The following CLEC1A variants were observed in gnomAD, a reference collection of about 807,000 sequenced individuals.
CLEC1A encodes C-type lectin-like receptor-1.
CLEC1A carries 34 observed loss-of-function variants against 28.7 expected under a neutral mutation model. The ratio of observed to expected loss-of-function variants is 1.18; its 90% CI spans 0.90 to 1.57. The LOEUF is 1.57. Ranked by LOEUF, CLEC1A falls within the 40% of genes most tolerant of loss-of-function variation. The pLI is 0.00. For synonymous variants in CLEC1A, 116 were observed against 121.0 expected, an observed-to-expected ratio of 0.96 and a Z score of 0.27; for missense variants, 385 against 339.5, an observed-to-expected ratio of 1.13 and a Z score of -1.05.
intron 1 of CLEC1A, among the ~76,000 whole-genome samples, chr12:10,097,514 CA>C (rs747638824): frequency 2.0e-5 from 3 of 152,172 alleles, no homozygotes; most frequent in Non-Finnish European, 4.4e-5. Context: ...TCTTCCAAGA[CA>C]ATTCTTTGTA....
chr12:10,081,351 A>C lies in CLEC1A; in HGVS notation c.277T>G (p.Leu93Val). Residue 93 changes from leucine to valine, a missense_variant, in exon 3 of 6, where the codon TTA becomes GTA. By Grantham distance (32) the Leu-to-Val change is conservative. Coordinates refer to ENST00000315330, the MANE Select transcript of CLEC1A (RefSeq NM_016511.4). ...TGCAACTCTTGGGACGTATTTCCTAATCTTTCTTCCATTTGAGAAATGGTG... is the reference window on the plus strand; with the variant it reads ...TGCAACTCTTGGGACGTATTTCCTACTCTTTCTTCCATTTGAGAAATGGTG... ...QDTISQMEER[L>V]GNTSQELQSL... The C allele has an allele frequency of 1.9e-6, 3 of 1,613,342 alleles. No homozygotes were observed. Among genetic ancestry groups the C allele is most frequent in the Non-Finnish European group, 2.5e-6 (3 of 1,179,710 alleles).
At position 10,069,868 on chromosome 12, in the gene CLEC1A, A is replaced by G. The variant is rs2137321049; in HGVS notation, c.*1465T>C. ...ACAATCTAACAAAATGAAGTTTATG[A>G]AAATGAGCACCAATGTGTTCTTTCT... On this transcript the variant is annotated 3_prime_UTR_variant, in exon 6 of 6. Coordinates refer to ENST00000315330, the MANE Select transcript of CLEC1A (RefSeq NM_016511.4). 1 of 152,360 alleles carries G rather than the reference A, an allele frequency of 6.6e-6. No individual in the cohort carries two copies. Among genetic ancestry groups the G allele is most frequent in the South Asian group, 2.1e-4 (1 of 4,828 alleles). 9.4% of individuals were successfully genotyped at this position (152,360 alleles called of 1,614,324 possible). A position where few individuals can be genotyped will look rare whatever the true frequency, so the allele number is the denominator to read the frequency against.
chr12:10,089,332 G>C (rs750937055), intron 1 of CLEC1A, 110 bp from the exon 2 acceptor site: 5 of 828,046 alleles, frequency 6.0e-6, no homozygotes, highest in Non-Finnish European at 3.9e-6. Context: ...AATTAGGCTG[G>C]ACAACGGTAA....
intron 1 of CLEC1A, among the ~76,000 whole-genome samples, chr12:10,091,957 T>C (rs1947712737): frequency 6.6e-6 from 1 of 152,140 alleles, no homozygotes; most frequent in African/African-American, 2.4e-5. Context: ...TGCAACCCAA[T>C]TCCTAGGGCA....
At chr12:10,094,420 C>T (rs970339235) in intron 1 of CLEC1A, among the ~76,000 whole-genome samples, 13 of 151,878 alleles carry the variant, frequency 8.6e-5, no homozygotes, top group Non-Finnish European at 1.0e-4. Flanking sequence ...GATTGTGTTT[C>T]TCCATGTCTT....
At chr12:10,081,086 C>T in intron 3 of CLEC1A, 151 bp downstream of exon 3, 2 of 594,166 alleles carry the variant, frequency 3.4e-6, no homozygotes, top group Non-Finnish European at 5.8e-6. Flanking sequence ...ATCACATGAT[C>T]CCAACAACTG....
chr12:10,074,985 A>C (rs1299474007), intron 4 of CLEC1A, among the ~76,000 whole-genome samples: 1 of 152,230 alleles, frequency 6.6e-6, no homozygotes, highest in Non-Finnish European at 1.5e-5. Context: ...GATGTACTTT[A>C]ATTGCGTGTA....
At position 10,076,477 on chromosome 12, in the gene CLEC1A, TATAA is replaced by T. The variant is rs551568770; in HGVS notation, c.392-826_392-823del. 5.9e-5 allele frequency among the ~76,000 whole-genome samples: 9 copies of T among 152,158 alleles called. 1 individual carries two copies. In the South Asian group the frequency reaches 8.3e-4, roughly 14 times the overall value. On this transcript the variant is annotated intron_variant, in intron 3 of 5. Coordinates refer to ENST00000315330, the MANE Select transcript of CLEC1A (RefSeq NM_016511.4). ...AAATATTTCATGAAGTAAAACAAAATATAAATAAATAAATAAATAACTTAGAAGG... is the reference window on the plus strand; with the variant it reads ...AAATATTTCATGAAGTAAAACAAAATATAAATAAATAAATAACTTAGAAGG...
At position 10,081,240 on chromosome 12, in the gene CLEC1A, C is replaced by A; in HGVS notation, c.388G>T (p.Gly130Ter). The change falls in exon 3 of 6, where the codon GGA (glycine) becomes TGA (stop). Residue 130 changes from glycine to a stop codon, truncating the protein, a stop_gained. Transcript: ENST00000315330. LOFTEE classifies it high-confidence loss of function. Reference protein sequence around the residue: ...KLCRELYNKAGAHRCSPCTEQ... With the variant: ...KLCRELYNKA ...AGAGTGACCAGGACACACTTACCTC[C>A]AGCTTTGTTATACAGCTCACGACAG... The A allele has an allele frequency of 6.3e-7, 1 of 1,577,366 alleles. No individual in the cohort carries two copies. The highest frequency in any genetic ancestry group is 1.2e-5 in the South Asian group (1 of 85,156).
At position 10,071,210 on chromosome 12, in the gene CLEC1A, A is replaced by G; in HGVS notation, c.*123T>C. On this transcript the variant is annotated 3_prime_UTR_variant, in exon 6 of 6. Coordinates refer to ENST00000315330, the MANE Select transcript of CLEC1A (RefSeq NM_016511.4). ...GTGATCCTGAACAGGAAACACGAGA[A>G]CCCATTTTGTACTAGTCAGAGAGAT... The G allele has an allele frequency of 1.2e-6, 1 of 856,658 alleles. No individual in the cohort carries two copies. Among genetic ancestry groups the G allele is most frequent in the Non-Finnish European group, 1.8e-6 (1 of 565,430 alleles). 53.1% of individuals were successfully genotyped at this position (856,658 alleles called of 1,614,324 possible).
intron 3 of CLEC1A, among the ~76,000 whole-genome samples, chr12:10,078,936 A>C (rs1866309547): frequency 6.6e-6 from 1 of 152,122 alleles, no homozygotes; most frequent in Non-Finnish European, 1.5e-5. Flanking sequence ...TACCTGCTGC[A>C]CTTTCCCCCA....
intron 1 of CLEC1A, among the ~76,000 whole-genome samples, chr12:10,089,671 C>T (rs1866572776): frequency 6.6e-6 from 1 of 151,946 alleles, no homozygotes; most frequent in South Asian, 2.1e-4. Flanking sequence ...TGAAAAACAT[C>T]CCCCTTCCCC....
At chr12:10,085,431 TTAAGG>T (rs1866469914) in intron 2 of CLEC1A, among the ~76,000 whole-genome samples, 1 of 149,994 alleles carries the variant, frequency 6.7e-6, no homozygotes, top group Non-Finnish European at 1.5e-5. Context: ...TCACATAAAC[TTAAGG>T]TAAAGAGGTG....
rs1866096499 is a variant in CLEC1A at position 10,070,203 on chromosome 12, T to A, written c.*1130A>T. The A allele has an allele frequency of 6.6e-6, 1 of 152,226 alleles. No homozygotes were observed. The highest frequency in any genetic ancestry group is 2.4e-5 in the African/African-American group (1 of 41,468). The allele number at this position is 152,226 out of a possible 1,614,324, so 9.4% of individuals were successfully genotyped here. ...TGACCTGACTGGAAATCATGTGCACTAATGCAACTCAGCTTCCTCATCAAC... is the reference window on the plus strand; with the variant it reads ...TGACCTGACTGGAAATCATGTGCACAAATGCAACTCAGCTTCCTCATCAAC... On this transcript the variant is annotated 3_prime_UTR_variant, in exon 6 of 6. Coordinates refer to ENST00000315330, the MANE Select transcript of CLEC1A (RefSeq NM_016511.4).
chr12:10,072,654 C>G (rs1220722872), intron 5 of CLEC1A, among the ~76,000 whole-genome samples: 2 of 151,926 alleles, frequency 1.3e-5, no homozygotes, highest in African/African-American at 4.8e-5. Flanking sequence ...CTCTCTCTCT[C>G]TCTCTCTGTC....
rs368197625 is a variant in CLEC1A, at chr12:10,071,244, C to T, written c.*89G>A. On this transcript the variant is annotated 3_prime_UTR_variant, in exon 6 of 6. Coordinates refer to ENST00000315330, the MANE Select transcript of CLEC1A (RefSeq NM_016511.4). ...GTACTAGTCAGAGAGATAGTCTTTC[C>T]TGATTATGTTCCATTTCCCAATGTC... 1.6e-6 allele frequency: 2 copies of T among 1,239,914 alleles called. No homozygotes were observed. The highest frequency in any genetic ancestry group is 2.3e-6 in the Non-Finnish European group (2 of 882,096). The allele number at this position is 1,239,914 out of a possible 1,614,324, so 76.8% of individuals were successfully genotyped here. A position where few individuals can be genotyped will look rare whatever the true frequency, so the allele number is the denominator to read the frequency against.
intron 3 of CLEC1A, among the ~76,000 whole-genome samples, chr12:10,079,531 A>T (rs1002722642): frequency 1.1e-4 from 15 of 139,362 alleles, no homozygotes; most frequent in South Asian, 8.8e-4. Flanking sequence ...TTAAAAAAAA[A>T]TTTTTTTTAG....
chr12:10,095,321 T>A (rs1348107413), intron 1 of CLEC1A, among the ~76,000 whole-genome samples: 1 of 150,646 alleles, frequency 6.6e-6, no homozygotes, highest in East Asian at 1.9e-4. Flanking sequence ...AAAGTAATTT[T>A]TCATATTCTT....
intron 4 of CLEC1A, 84 bp downstream of exon 4, chr12:10,075,420 C>T: frequency 6.9e-7 from 1 of 1,443,908 alleles, no homozygotes; most frequent in South Asian, 1.3e-5. Context: ...GACCGATATT[C>T]TTGATCCTTA....
Sources: gnomAD v4.1 joint callset for allele counts (sites outside exome capture counted in the v4.1 genomes callset) on GRCh38, gnomAD v4.1.1 for gene constraint, MANE v1.5 for transcripts, NCBI Gene and HGNC (gene_info 2026-07-23, HGNC 2026-07-21) for gene names.